The following KIF4A variants were observed in gnomAD, a reference collection of about 807,000 sequenced individuals.
KIF4A encodes the protein chromosome-associated kinesin KIF4A.
Under a neutral mutation model 105.9 loss-of-function variants are expected in KIF4A, and 7 were observed. The observed-to-expected ratio is 0.07, with a 90% CI of 0.04 to 0.12. KIF4A has a LOEUF of 0.12. KIF4A is among the 10% of genes least tolerant of loss of function. The probability of loss-of-function intolerance (pLI) is 1.00; values close to 1 mark genes in which losing one functional copy is unlikely to be tolerated. For synonymous variants in KIF4A, 281 were observed against 331.3 expected (o/e 0.85, Z 1.65); for missense variants, 558 against 929.2 (o/e 0.60, Z 5.19).
At chrX:70,383,340 T>C (rs991262516) in intron 18 of KIF4A, among the ~76,000 whole-genome samples, 1 of 112,119 alleles carries the variant, frequency 8.9e-6, no homozygotes, top group Non-Finnish European at 1.9e-5. Flanking sequence ...ATTTCACATC[T>C]ACTAGGATGG....
intron 7 of KIF4A, among the ~76,000 whole-genome samples, chrX:70,304,754 G>A (rs993202174): frequency 9.5e-6 from 1 of 104,878 alleles, no homozygotes; most frequent in Non-Finnish European, 1.9e-5. Flanking sequence ...CACCTTCCAG[G>A]TTCAGGCAGT....
chrX:70,338,266 A>G, intron 10 of KIF4A, among the ~76,000 whole-genome samples: 3 of 111,871 alleles, frequency 2.7e-5, no homozygotes, highest in Middle Eastern at 9.2e-3. Context: ...GGTTTAGAAC[A>G]TGTCCATCAC....
At chrX:70,377,400 G>A (rs1175614130) in intron 18 of KIF4A, among the ~76,000 whole-genome samples, 1 of 111,290 alleles carries the variant, frequency 9.0e-6, no homozygotes, top group Non-Finnish European at 1.9e-5. Context: ...AGAACAATAG[G>A]CACAAGATCA....
chrX:70,322,433 T>C (rs1366085714), intron 7 of KIF4A, among the ~76,000 whole-genome samples: 1 of 109,803 alleles, frequency 9.1e-6, no homozygotes, highest in Non-Finnish European at 1.9e-5. Context: ...TGCCTCAGCC[T>C]CCTGAGTACC....
rs759032250 is a variant in KIF4A, at chrX:70,299,087, T to C, written c.427-26T>C. 2.0e-5 allele frequency: 23 copies of C among 1,158,523 alleles called. No individual in the cohort carries two copies. In the South Asian group the frequency reaches 4.2e-4, roughly 21 times the overall value. On this transcript the variant is annotated intron_variant, in intron 4 of 30. Transcript: ENST00000374403. ...ATTACCACTGTTAACATCTTGTTTT[T>C]GCCACTTTATTTTCAACAATATCAG...
chrX:70,353,943 G>A, intron 15 of KIF4A, 136 bp downstream of exon 15: 1 of 502,059 alleles, frequency 2.0e-6, no homozygotes, highest in Admixed American at 4.8e-5. Flanking sequence ...TTGTACTGTT[G>A]GTTTAAAAAG....
chrX:70,340,224 TG>T (rs1237859479), intron 10 of KIF4A, among the ~76,000 whole-genome samples: 4 of 111,883 alleles, frequency 3.6e-5, no homozygotes, highest in African/African-American at 1.3e-4. Context: ...TAGGGGCTAT[TG>T]GGAGAACTTA....
chrX:70,365,717 G>A (rs1459957864), intron 15 of KIF4A, among the ~76,000 whole-genome samples: 1 of 111,126 alleles, frequency 9.0e-6, no homozygotes, highest in Non-Finnish European at 1.9e-5. Flanking sequence ...TTTTTGTTGT[G>A]TCTCTGTCAG....
intron 20 of KIF4A, among the ~76,000 whole-genome samples, chrX:70,394,156 A>G (rs1293177231): frequency 1.9e-5 from 2 of 106,173 alleles, no homozygotes; most frequent in Admixed American, 2.0e-4. Context: ...GTGAGCTACC[A>G]CACCCAGCCA....
intron 15 of KIF4A, among the ~76,000 whole-genome samples, chrX:70,368,069 A>C (rs1006685869): frequency 1.8e-5 from 2 of 111,647 alleles, no homozygotes; most frequent in Non-Finnish European, 3.8e-5. Flanking sequence ...TGCATTCGTC[A>C]CGTAGTTCTC....
intron 13 of KIF4A, among the ~76,000 whole-genome samples, chrX:70,345,422 C>G (rs2085988415): frequency 9.3e-6 from 1 of 107,334 alleles, no homozygotes; most frequent in Non-Finnish European, 1.9e-5. Context: ...CGAGATTGTG[C>G]CACTGCACTC....
chrX:70,365,592 C>G (rs2086098678), intron 15 of KIF4A, among the ~76,000 whole-genome samples: 1 of 111,522 alleles, frequency 9.0e-6, no homozygotes, highest in African/African-American at 3.3e-5. Flanking sequence ...AGGGATGAAG[C>G]CCACTTGATC....
At chrX:70,368,235 C>G (rs1305304066) in intron 15 of KIF4A, among the ~76,000 whole-genome samples, 1 of 111,877 alleles carries the variant, frequency 8.9e-6, no homozygotes, top group Non-Finnish European at 1.9e-5. Context: ...TCGTCTGAAG[C>G]CTTCTCTCAT....
chrX:70,375,402 A>G lies in KIF4A; in HGVS notation c.1923+54A>G. ...CCCATTGGAATTTACAAACATAGGT[A>G]TTCCATTTAGAAATATACTAGAGGT... On this transcript the variant is annotated intron_variant, in intron 17 of 30. Coordinates refer to ENST00000374403, the MANE Select transcript of KIF4A (RefSeq NM_012310.5). The G allele has an allele frequency of 8.8e-6, 10 of 1,130,661 alleles. No individual in the cohort carries two copies. In the South Asian group the frequency reaches 1.7e-4, roughly 20 times the overall value. 93.2% of individuals were successfully genotyped at this position (1,130,661 alleles called of 1,213,427 possible).
chrX:70,294,469 G>A (rs1375100568), intron 3 of KIF4A, among the ~76,000 whole-genome samples: 1 of 112,494 alleles, frequency 8.9e-6, no homozygotes, highest in African/African-American at 3.2e-5. Context: ...GTTACATACT[G>A]TACATAGTTG....
At chrX:70,374,353 G>T (rs762584919) in intron 16 of KIF4A, 99 bp downstream of exon 16, 1 of 471,613 alleles carries the variant, frequency 2.1e-6, no homozygotes, top group African/African-American at 2.4e-5. Context: ...TGCCCCTAAA[G>T]ATTTAAACCT....
At chrX:70,343,056 T>A (rs1372984757) in intron 11 of KIF4A, among the ~76,000 whole-genome samples, 1 of 112,058 alleles carries the variant, frequency 8.9e-6, no homozygotes, top group East Asian at 2.8e-4. Flanking sequence ...ACTGAAAATA[T>A]CAATCACCCT....
In KIF4A at chrX:70,302,803, A is replaced by C. The variant is rs761728773; in HGVS notation, c.778+405A>C. 3.6e-5 allele frequency among the ~76,000 whole-genome samples: 4 copies of C among 111,790 alleles called. No individual in the cohort carries two copies. In the East Asian group the frequency reaches 1.1e-3, roughly 31 times the overall value. On this transcript the variant is annotated intron_variant, in intron 7 of 30. Coordinates refer to ENST00000374403, the MANE Select transcript of KIF4A (RefSeq NM_012310.5). The stretch of plus-strand genomic sequence containing the variant: ...AGTTGTTGAATTTGAAAAGTGATGA[A>C]ATTCCTAAGGCTAGAAGAACCCTGT...
At chrX:70,401,189 C>T (rs2086280682) in intron 22 of KIF4A, among the ~76,000 whole-genome samples, 1 of 105,055 alleles carries the variant, frequency 9.5e-6, no homozygotes, top group Non-Finnish European at 1.9e-5. Context: ...AAGCAATTCT[C>T]CTGTCTCAGC....
Sources: allele counts gnomAD v4.1 joint callset (sites outside exome capture counted in the v4.1 genomes callset), GRCh38; gene constraint gnomAD v4.1.1; transcripts MANE v1.5; gene names NCBI Gene and HGNC (gene_info 2026-07-23, HGNC 2026-07-21).